Variants in PPARGC1A observed in about 807,000 individuals in gnomAD.
PPARGC1A encodes peroxisome proliferator-activated receptor gamma coactivator 1-alpha.
Under a neutral mutation model 88.7 loss-of-function variants are expected in PPARGC1A, and 25 were observed. That is an observed-to-expected ratio of 0.28 (90% CI 0.21 to 0.39). PPARGC1A has a LOEUF of 0.39. PPARGC1A is among the 10% of genes least tolerant of loss of function. The pLI, the probability that PPARGC1A is intolerant of heterozygous loss-of-function variation, is 1.00. For synonymous variants in PPARGC1A, 363 were observed against 355.6 expected (o/e 1.02, Z -0.24); for missense variants, 880 against 968.7 (o/e 0.91, Z 1.22).
the PPARGC1A span, among the ~76,000 whole-genome samples, chr4:24,129,689 T>C: frequency 3.3e-5 from 5 of 152,164 alleles, no homozygotes; most frequent in Non-Finnish European, 7.3e-5. Context: ...TAAAGACACA[T>C]GCACACATAA....
the PPARGC1A span, among the ~76,000 whole-genome samples, chr4:23,957,741 C>T: frequency 6.6e-6 from 1 of 151,978 alleles, no homozygotes; most frequent in Non-Finnish European, 1.5e-5. Flanking sequence ...GGGAAAAAAG[C>T]CCACTAAAGG....
the PPARGC1A span, among the ~76,000 whole-genome samples, chr4:24,282,497 C>G: frequency 2.6e-5 from 4 of 152,336 alleles, no homozygotes; most frequent in Admixed American, 2.0e-4. Context: ...TCAGGCAGCT[C>G]TCTGATTTCA....
chr4:24,419,582 T>C, the PPARGC1A span, among the ~76,000 whole-genome samples: 3 of 151,548 alleles, frequency 2.0e-5, no homozygotes, highest in Non-Finnish European at 4.4e-5. Flanking sequence ...AACTATGTAA[T>C]TGTGACCACA....
At chr4:24,456,416 T>G in the PPARGC1A span, among the ~76,000 whole-genome samples, 1 of 152,122 alleles carries the variant, frequency 6.6e-6, no homozygotes, top group Non-Finnish European at 1.5e-5. Flanking sequence ...CAGTGGGAAA[T>G]GTTCAGAGCT....
the PPARGC1A span, among the ~76,000 whole-genome samples, chr4:23,989,277 G>C: frequency 6.6e-6 from 1 of 151,890 alleles, no homozygotes; most frequent in African/African-American, 2.4e-5. Flanking sequence ...ATAATTAATG[G>C]TTTCTGTAGC....
chr4:24,011,381 A>C, the PPARGC1A span, among the ~76,000 whole-genome samples: 1 of 152,082 alleles, frequency 6.6e-6, no homozygotes, highest in South Asian at 2.1e-4. Context: ...TCACACATAC[A>C]CACTCACACC....
At chr4:24,051,378 A>G in the PPARGC1A span, among the ~76,000 whole-genome samples, 7 of 152,164 alleles carry the variant, frequency 4.6e-5, no homozygotes, top group African/African-American at 1.7e-4. Flanking sequence ...GCTATATTCT[A>G]TCATAAGTGA....
chr4:24,187,897 G>A, the PPARGC1A span, among the ~76,000 whole-genome samples: 1 of 152,188 alleles, frequency 6.6e-6, no homozygotes, highest in Non-Finnish European at 1.5e-5. Context: ...TAACATGAGG[G>A]ATCTGATTTA....
chr4:24,232,547 A>G, the PPARGC1A span, among the ~76,000 whole-genome samples: 1 of 152,242 alleles, frequency 6.6e-6, no homozygotes. Flanking sequence ...CACGGGAACA[A>G]TCATAAATGG....
the PPARGC1A span, among the ~76,000 whole-genome samples, chr4:23,958,603 G>A: frequency 1.3e-5 from 2 of 152,032 alleles, no homozygotes; most frequent in Admixed American, 1.3e-4. Context: ...TTTTCAAAAG[G>A]TAATCTTACA....
At chr4:24,026,833 A>G in the PPARGC1A span, among the ~76,000 whole-genome samples, 3 of 152,198 alleles carry the variant, frequency 2.0e-5, no homozygotes, top group African/African-American at 4.8e-5. Flanking sequence ...GCAGTTGTAT[A>G]TGTTCAAGAA....
At chr4:24,163,764 C>G in the PPARGC1A span, among the ~76,000 whole-genome samples, 5 of 152,156 alleles carry the variant, frequency 3.3e-5, no homozygotes, top group African/African-American at 1.2e-4. Flanking sequence ...TAAATACATG[C>G]TTTAGCCAGT....
At chr4:24,111,774 T>C in the PPARGC1A span, among the ~76,000 whole-genome samples, 1 of 152,228 alleles carries the variant, frequency 6.6e-6, no homozygotes, top group Non-Finnish European at 1.5e-5. Context: ...ATGATAGTTC[T>C]TGAAAGAGTT....
chr4:24,055,495 A>G, the PPARGC1A span, among the ~76,000 whole-genome samples: 13 of 152,252 alleles, frequency 8.5e-5, no homozygotes, highest in Non-Finnish European at 1.5e-4. Flanking sequence ...ATACATGACA[A>G]GAAAAGTGCT....
the PPARGC1A span, among the ~76,000 whole-genome samples, chr4:24,146,906 A>G: frequency 6.6e-6 from 1 of 152,126 alleles, no homozygotes; most frequent in Admixed American, 6.5e-5. Context: ...TATTATTTGT[A>G]TTGCCTGTCT....
the PPARGC1A span, among the ~76,000 whole-genome samples, chr4:24,391,218 T>G: frequency 2.0e-5 from 3 of 152,170 alleles, no homozygotes; most frequent in Non-Finnish European, 2.9e-5. Context: ...CCGCAAAATT[T>G]GAGTTTGACT....
chr4:23,944,199 G>A, the PPARGC1A span, among the ~76,000 whole-genome samples: 1 of 152,112 alleles, frequency 6.6e-6, no homozygotes, highest in African/African-American at 2.4e-5. Context: ...AAGGCATATG[G>A]GAATTCTCTG....
chr4:24,021,082 C>T, the PPARGC1A span, among the ~76,000 whole-genome samples: 1 of 152,212 alleles, frequency 6.6e-6, no homozygotes, highest in South Asian at 2.1e-4. Context: ...TGAAGTGCCA[C>T]CAAAATGTGT....
At chr4:24,443,736 T>G in the PPARGC1A span, among the ~76,000 whole-genome samples, 2 of 148,608 alleles carry the variant, frequency 1.3e-5, no homozygotes, top group South Asian at 2.1e-4. Context: ...TTTTTTTTTT[T>G]GTAAATATGG....
Sources: gnomAD v4.1 joint callset for allele counts (sites outside exome capture counted in the v4.1 genomes callset) on GRCh38, gnomAD v4.1.1 for gene constraint, MANE v1.5 for transcripts, NCBI Gene and HGNC (gene_info 2026-07-23, HGNC 2026-07-21) for gene names.